GABRB1: variants seen among roughly 807,000 people sequenced by gnomAD.
GABRB1 encodes gamma-aminobutyric acid type A receptor subunit beta1.
A neutral mutation model predicts 51.6 loss-of-function variants in GABRB1; 17 were observed. The observed-to-expected ratio is 0.33, with a 90% confidence interval of 0.23 to 0.49. GABRB1 has a LOEUF of 0.49. Ranked by LOEUF, GABRB1 falls within the 20% of genes least tolerant of loss-of-function variation. The pLI is 0.99. For synonymous variants in GABRB1, 247 were observed against 218.9 expected (o/e 1.13, Z -1.14); for missense variants, 410 against 600.6 (o/e 0.68, Z 3.32).
intron 4 of GABRB1, among the ~76,000 whole-genome samples, chr4:47,293,129 G>A (rs555003574): frequency 8.5e-5 from 13 of 152,174 alleles, no homozygotes; most frequent in Non-Finnish European, 1.3e-4. Flanking sequence ...TGTTGTTGTT[G>A]TTGTTGTTTT....
At chr4:47,039,236 AACCAAT>A (rs1299697283) in intron 3 of GABRB1, among the ~76,000 whole-genome samples, 1 of 151,542 alleles carries the variant, frequency 6.6e-6, no homozygotes, top group Non-Finnish European at 1.5e-5. Flanking sequence ...CTGCTAAGTG[AACCAAT>A]GTATCTTTCC....
chr4:47,298,359 C>A (rs1441249014), intron 4 of GABRB1, among the ~76,000 whole-genome samples: 1 of 152,214 alleles, frequency 6.6e-6, no homozygotes, highest in Non-Finnish European at 1.5e-5. Flanking sequence ...AGCCCAAAAT[C>A]TCCTTAAGCT....
chr4:47,282,303 T>C (rs140006933), intron 4 of GABRB1, among the ~76,000 whole-genome samples: 125 of 152,336 alleles, frequency 8.2e-4, no homozygotes, highest in African/African-American at 2.9e-3. Context: ...TACCAATGCC[T>C]GAAACACAGC....
intron 5 of GABRB1, among the ~76,000 whole-genome samples, chr4:47,360,996 G>A (rs1367279910): frequency 6.6e-6 from 1 of 152,068 alleles, no homozygotes; most frequent in Non-Finnish European, 1.5e-5. Context: ...TTACATAAAT[G>A]AGAAATTGAA....
intron 3 of GABRB1, among the ~76,000 whole-genome samples, chr4:47,108,902 A>T (rs1715099060): frequency 6.6e-6 from 1 of 152,092 alleles, no homozygotes; most frequent in South Asian, 2.1e-4. Context: ...ATCTGGAGAC[A>T]TTAAGCTACT....
intron 8 of GABRB1, among the ~76,000 whole-genome samples, chr4:47,412,684 A>G (rs1316784002): frequency 6.6e-6 from 1 of 152,146 alleles, no homozygotes; most frequent in Non-Finnish European, 1.5e-5. Context: ...TTAAGAGCAG[A>G]GGTTTAATAG....
intron 4 of GABRB1, among the ~76,000 whole-genome samples, chr4:47,230,426 A>T (rs951924566): frequency 6.6e-6 from 1 of 152,188 alleles, no homozygotes; most frequent in East Asian, 1.9e-4. Context: ...AAAACCTCCA[A>T]GCATGTCAGT....
At chr4:47,032,860 G>T in intron 3 of GABRB1, 1 of 409,704 alleles carries the variant, frequency 2.4e-6, no homozygotes, top group South Asian at 1.9e-5. Context: ...CCGGTGGTCG[G>T]CAGCCATCAC....
At chr4:47,363,742 A>G (rs1411439787) in intron 5 of GABRB1, among the ~76,000 whole-genome samples, 1 of 152,182 alleles carries the variant, frequency 6.6e-6, no homozygotes, top group African/African-American at 2.4e-5. Flanking sequence ...TAAGGAAGGA[A>G]TCCTGCTCCT....
chr4:47,126,077 T>TACATACACACAC (rs1716130198), intron 3 of GABRB1, among the ~76,000 whole-genome samples: 1 of 151,982 alleles, frequency 6.6e-6, no homozygotes, highest in African/African-American at 2.4e-5. Flanking sequence ...AATACACACA[T>TACATACACACAC]ACATACACAC....
rs564800501 is a variant in GABRB1, at chr4:47,308,928, G to A, written c.462-11199G>A. On this transcript the variant is annotated intron_variant, in intron 4 of 8. Coordinates refer to ENST00000295454, the MANE Select transcript of GABRB1 (RefSeq NM_000812.4). The stretch of plus-strand genomic sequence containing the variant: ...AAAAGACCAAGAAACTATTGCTATC[G>A]TTTCAAGTCCTGGCAATTTGTCCAC... 4.6e-5 allele frequency among the ~76,000 whole-genome samples: 7 copies of A among 152,186 alleles called. No homozygotes were observed. The East Asian group carries it at 1.4e-3, about 29-fold the overall frequency.
chr4:47,287,576 A>G (rs1723556667), intron 4 of GABRB1, among the ~76,000 whole-genome samples: 1 of 152,200 alleles, frequency 6.6e-6, no homozygotes, highest in South Asian at 2.1e-4. Flanking sequence ...ACTTTGTGTT[A>G]GACAGCATCT....
intron 3 of GABRB1, among the ~76,000 whole-genome samples, chr4:47,143,624 T>C (rs1717027760): frequency 6.6e-6 from 1 of 151,960 alleles, no homozygotes; most frequent in African/African-American, 2.4e-5. Flanking sequence ...GTCATTCAAC[T>C]CTCTATAGCT....
chr4:47,140,602 C>T (rs1233100247), intron 3 of GABRB1, among the ~76,000 whole-genome samples: 4 of 151,970 alleles, frequency 2.6e-5, no homozygotes, highest in African/African-American at 9.7e-5. Context: ...TCACATCACA[C>T]AAACCGTGAG....
intron 3 of GABRB1, among the ~76,000 whole-genome samples, chr4:47,148,056 T>G (rs1304457427): frequency 6.6e-6 from 1 of 152,166 alleles, no homozygotes; most frequent in East Asian, 1.9e-4. Flanking sequence ...ACTAGAGAAG[T>G]CTACTTAGGA....
intron 5 of GABRB1, among the ~76,000 whole-genome samples, chr4:47,362,859 A>G (rs966094140): frequency 1.3e-5 from 2 of 152,142 alleles, no homozygotes; most frequent in Admixed American, 6.6e-5. Context: ...ATAAGACACA[A>G]TTCCTAACCT....
At chr4:47,111,424 A>T in intron 3 of GABRB1, among the ~76,000 whole-genome samples, 1 of 149,570 alleles carries the variant, frequency 6.7e-6, no homozygotes, top group East Asian at 1.9e-4. Context: ...ATCTATATAT[A>T]TGAATTTATA....
chr4:47,012,260 C>A (rs1044183757), intron 1 of GABRB1, among the ~76,000 whole-genome samples: 2 of 152,162 alleles, frequency 1.3e-5, no homozygotes, highest in Non-Finnish European at 2.9e-5. Flanking sequence ...AAACATGCAT[C>A]ATGGGGGTTT....
At chr4:47,245,572 A>G (rs1721707316) in intron 4 of GABRB1, among the ~76,000 whole-genome samples, 1 of 152,106 alleles carries the variant, frequency 6.6e-6, no homozygotes, top group Admixed American at 6.6e-5. Flanking sequence ...TCTCCAGGGG[A>G]CAATCCACAA....
Sources: gnomAD v4.1 joint callset for allele counts (sites outside exome capture counted in the v4.1 genomes callset) on GRCh38, gnomAD v4.1.1 for gene constraint, MANE v1.5 for transcripts, NCBI Gene and HGNC (gene_info 2026-07-23, HGNC 2026-07-21) for gene names.